The following TIAM1 variants were observed in gnomAD, a reference collection of about 807,000 sequenced individuals.
TIAM1 encodes TIAM Rac1 associated GEF 1.
In TIAM1, 65 loss-of-function variants were observed where a neutral mutation model predicts 163.5. The ratio of observed to expected loss-of-function variants is 0.40; its 90% CI spans 0.33 to 0.49. TIAM1 has a LOEUF of 0.49. TIAM1 is among the 20% of genes least tolerant of loss of function. The pLI is 0.77. For synonymous variants in TIAM1, 833 were observed against 810.1 expected (o/e 1.03, Z -0.48); for missense variants, 1,789 against 2,044.7 (o/e 0.87, Z 2.41).
At chr21:31,298,735 GGTGTGTGTGTGTGT>G (rs147701527) in intron 2 of TIAM1, among the ~76,000 whole-genome samples, 1 of 138,482 alleles carries the variant, frequency 7.2e-6, no homozygotes, top group Non-Finnish European at 1.5e-5. Context: ...TCCAATTGAG[GGTGTGTGTGTGTGT>G]GTGTGTGTGT....
chr21:31,125,551 G>C (rs1429656141), intron 26 of TIAM1, among the ~76,000 whole-genome samples: 1 of 152,150 alleles, frequency 6.6e-6, no homozygotes, highest in East Asian at 1.9e-4. Context: ...CATGGGTTTT[G>C]AGGTTAAACC....
At chr21:31,323,466 T>C (rs2075383393) in intron 2 of TIAM1, among the ~76,000 whole-genome samples, 1 of 152,042 alleles carries the variant, frequency 6.6e-6, no homozygotes, top group South Asian at 2.1e-4. Flanking sequence ...CCAGCCACTT[T>C]GGGAGGCCAA....
intron 15 of TIAM1, among the ~76,000 whole-genome samples, chr21:31,180,848 T>C (rs753536004): frequency 1.7e-4 from 26 of 152,234 alleles, no homozygotes; most frequent in Admixed American, 3.3e-4. Context: ...CACAATAACA[T>C]AATGAGTCAA....
intron 2 of TIAM1, among the ~76,000 whole-genome samples, chr21:31,318,269 T>G (rs990763764): frequency 6.6e-6 from 1 of 152,174 alleles, no homozygotes; most frequent in Non-Finnish European, 1.5e-5. Flanking sequence ...GGCTATGTTT[T>G]GTATTTTTCA....
At chr21:31,509,510 C>G (rs2047140941) in intron 1 of TIAM1, among the ~76,000 whole-genome samples, 1 of 152,214 alleles carries the variant, frequency 6.6e-6, no homozygotes, top group Admixed American at 6.5e-5. Context: ...TCCTCCGCCA[C>G]TGTCAACACA....
chr21:31,511,443 C>T (rs1408492446), intron 1 of TIAM1, among the ~76,000 whole-genome samples: 2 of 152,316 alleles, frequency 1.3e-5, no homozygotes, highest in African/African-American at 4.8e-5. Flanking sequence ...CTGTCCCTTA[C>T]CAGACATCTG....
upstream of TIAM1, among the ~76,000 whole-genome samples, chr21:31,347,971 G>T (rs2076176538): frequency 6.6e-6 from 1 of 152,154 alleles, no homozygotes; most frequent in Non-Finnish European, 1.5e-5. Flanking sequence ...TGGAGAAAAG[G>T]TCACAAAGGG....
intron 2 of TIAM1, among the ~76,000 whole-genome samples, chr21:31,460,244 G>T (rs9978856): frequency 0.2 from 30,700 of 152,126 alleles, 3,568 homozygotes; most frequent in Non-Finnish European, 0.26. Context: ...ATGATCCCCT[G>T]TCCCTGCCTT....
chr21:31,383,563 T>C (rs540255586), intron 2 of TIAM1, among the ~76,000 whole-genome samples: 2 of 152,300 alleles, frequency 1.3e-5, no homozygotes, highest in South Asian at 4.1e-4. Flanking sequence ...AAACTGATAC[T>C]GGCTTGTCCA....
intron 1 of TIAM1, among the ~76,000 whole-genome samples, chr21:31,489,092 G>A (rs1467055748): frequency 6.6e-6 from 1 of 151,606 alleles, no homozygotes; most frequent in African/African-American, 2.4e-5. Flanking sequence ...ACTGTGGGCC[G>A]GGTGCAGTAG....
intron 2 of TIAM1, among the ~76,000 whole-genome samples, chr21:31,310,578 G>T (rs2074887325): frequency 6.6e-6 from 1 of 152,158 alleles, no homozygotes; most frequent in Non-Finnish European, 1.5e-5. Flanking sequence ...TTACCCCCAT[G>T]GAGGTTAAAC....
Position 31,418,134 on chromosome 21 carries a change from G to C in TIAM1, c.-369+45849C>G, listed in dbSNP as rs545812964. Reference sequence around the variant, plus strand: ...ACTTTGGCAGATCACTTGAGGTCAGGAGTTTGAGACCAGCCTGGCCAACAT... The same window carrying C: ...ACTTTGGCAGATCACTTGAGGTCAGCAGTTTGAGACCAGCCTGGCCAACAT... On this transcript the variant is annotated intron_variant, in intron 2 of 28. Coordinates refer to the TIAM1 transcript ENST00000286827. 2.0e-5 allele frequency among the ~76,000 whole-genome samples: 3 copies of C among 152,116 alleles called. No individual in the cohort carries two copies. The South Asian group carries it at 6.2e-4, about 32-fold the overall frequency.
intron 2 of TIAM1, among the ~76,000 whole-genome samples, chr21:31,461,240 T>C (rs1448415959): frequency 1.3e-5 from 2 of 152,114 alleles, no homozygotes; most frequent in African/African-American, 4.8e-5. Context: ...TCCCAGCACT[T>C]TGCGAGGCCG....
chr21:31,470,321 A>G (rs971079394), intron 1 of TIAM1, among the ~76,000 whole-genome samples: 1 of 140,656 alleles, frequency 7.1e-6, no homozygotes, highest in Admixed American at 7.4e-5. Context: ...TTCAAATGTT[A>G]TTTATTTATT....
intron 1 of TIAM1, among the ~76,000 whole-genome samples, chr21:31,341,863 CTTTG>C (rs1402895417): frequency 6.6e-6 from 1 of 152,064 alleles, no homozygotes; most frequent in African/African-American, 2.4e-5. Flanking sequence ...AGGAGGTGGC[CTTTG>C]TTTGTGTTCC....
intron 23 of TIAM1, among the ~76,000 whole-genome samples, chr21:31,134,258 C>CT (rs2082530991): frequency 6.6e-6 from 1 of 152,124 alleles, no homozygotes; most frequent in Non-Finnish European, 1.5e-5. Context: ...TCCCACATCA[C>CT]TGTGTGGGTC....
intron 2 of TIAM1, among the ~76,000 whole-genome samples, chr21:31,461,351 G>A (rs1408787960): frequency 6.6e-6 from 1 of 152,110 alleles, no homozygotes; most frequent in Non-Finnish European, 1.5e-5. Flanking sequence ...TGGGCGTGAT[G>A]TGCATGTCTG....
chr21:31,139,927 TCCTC>T (rs1216274823), intron 22 of TIAM1, among the ~76,000 whole-genome samples: 1 of 152,300 alleles, frequency 6.6e-6, no homozygotes, highest in East Asian at 1.9e-4. Context: ...CTAGCTGATT[TCCTC>T]CAGCTGTGGA....
At chr21:31,498,673 C>G (rs576944788) in intron 1 of TIAM1, among the ~76,000 whole-genome samples, 1 of 152,176 alleles carries the variant, frequency 6.6e-6, no homozygotes, top group Non-Finnish European at 1.5e-5. Flanking sequence ...TGGCCAGACA[C>G]GGTGGCTCAC....
Sources: gnomAD v4.1 joint callset for allele counts (sites outside exome capture counted in the v4.1 genomes callset) on GRCh38, gnomAD v4.1.1 for gene constraint, MANE v1.5 for transcripts, NCBI Gene and HGNC (gene_info 2026-07-23, HGNC 2026-07-21) for gene names.